The following CFAP251 variants were observed in gnomAD, a reference collection of about 807,000 sequenced individuals.
CFAP251 encodes the protein cilia- and flagella-associated protein 251.
CFAP251 carries 93 observed loss-of-function variants against 126.7 expected under a neutral mutation model. That is an observed-to-expected ratio of 0.73 (90% CI 0.62 to 0.87). The LOEUF is 0.87. CFAP251 is among the 40% of genes least tolerant of loss of function. CFAP251 has a pLI of 0.00. For missense variants in CFAP251, 1,287 were observed against 1,389.2 expected (o/e 0.93, Z 1.17); for synonymous variants, 503 against 506.9 (o/e 0.99, Z 0.10).
intron 20 of CFAP251, 52 bp from the exon 21 acceptor site, chr12:122,001,442 CAGT>C (rs978393436): frequency 5.6e-5 from 77 of 1,363,826 alleles, no homozygotes; most frequent in Non-Finnish European, 7.4e-5. Context: ...TAAGCCCTGA[CAGT>C]ATGCTTAGCC....
At position 121,968,165 on chromosome 12, in the gene CFAP251, T is replaced by G; in HGVS notation, c.2767T>G (p.Leu923Val). Residue 923 changes from leucine (L) to valine (V), a missense_variant, in exon 17 of 22, where the codon TTA becomes GTA. Transcript: ENST00000288912. ...DRSVVQWKITLSVLEAAVSLG... is the reference protein window; with the variant it reads ...DRSVVQWKITVSVLEAAVSLG... ...CTCGGTGGTGCAGTGGAAAATCACC[T>G]TAAGGTACACGATGGGGCGAGAAGG... is the stretch of plus-strand genomic sequence containing the variant. 1 of 1,601,796 alleles carries G rather than the reference T, an allele frequency of 6.2e-7. No individual in the cohort carries two copies. Among genetic ancestry groups the G allele is most frequent in the South Asian group, 1.1e-5 (1 of 90,690 alleles).
rs148397922 is a variant in CFAP251 at position 121,979,736 on chromosome 12, T to A, written c.3006+4051T>A. On this transcript the variant is annotated intron_variant, in intron 19 of 21. Coordinates refer to ENST00000288912, the MANE Select transcript of CFAP251 (RefSeq NM_144668.6). ...TGCACCACCATGCCTGGCTAATTTT[T>A]GTATTTTTTAGTAGAGACAGGATTT... Among the ~76,000 whole-genome samples the A allele has an allele frequency of 1.3e-3, 204 of 152,122 alleles. 5 individuals are homozygous for A. The East Asian group carries it at 0.03, about 22-fold the overall frequency.
intron 19 of CFAP251, among the ~76,000 whole-genome samples, chr12:121,996,034 G>A (rs1883014705): frequency 6.6e-6 from 1 of 152,216 alleles, no homozygotes; most frequent in South Asian, 2.1e-4. Flanking sequence ...GCCAGACCAA[G>A]ATGTGAGGGT....
At chr12:121,969,493 T>C (rs1882262649) in intron 17 of CFAP251, 1 of 985,060 alleles carries the variant, frequency 1.0e-6, no homozygotes. Flanking sequence ...CTTCTATTTG[T>C]TGTTGTTGTT....
At chr12:121,931,673 G>T in intron 3 of CFAP251, 73 bp from the exon 4 acceptor site, 1 of 1,363,882 alleles carries the variant, frequency 7.3e-7, no homozygotes. Flanking sequence ...CTTCCCCTCC[G>T]GCGAGTTCCT....
intron 4 of CFAP251, 44 bp from the exon 5 acceptor site, chr12:121,934,203 C>A: frequency 6.6e-7 from 1 of 1,520,610 alleles, no homozygotes; most frequent in Non-Finnish European, 9.0e-7. Flanking sequence ...CAAGGCTGGG[C>A]CGCATCTTGG....
At chr12:121,942,472 G>T in intron 5 of CFAP251, 62 bp from the exon 6 acceptor site, 2 of 1,227,866 alleles carry the variant, frequency 1.6e-6, no homozygotes, top group East Asian at 2.4e-5. Context: ...GACCTGCCCT[G>T]GGACTCTCTG....
chr12:121,980,025 C>T (rs180682382), intron 19 of CFAP251, among the ~76,000 whole-genome samples: 2 of 152,360 alleles, frequency 1.3e-5, no homozygotes, highest in East Asian at 3.9e-4. Flanking sequence ...GCCTCGCTTT[C>T]TGCTGTGTTG....
rs78630645 is a variant in CFAP251, at chr12:121,958,899, A to G, written c.1982-44A>G. Reference sequence around the variant, plus strand: ...CTGGCACAGACTCAACATCTCTTGAATGAATGTAATCCTTTTCCATCGTTC... The same window carrying G: ...CTGGCACAGACTCAACATCTCTTGAGTGAATGTAATCCTTTTCCATCGTTC... On this transcript the variant is annotated intron_variant, in intron 12 of 21. Transcript: ENST00000288912. 3.3e-4 allele frequency: 516 copies of G among 1,541,384 alleles called. 2 individuals carry two copies. The African/African-American group carries it at 6.2e-3, about 19-fold the overall frequency.
At chr12:121,986,867 A>G (rs1882761960) in intron 19 of CFAP251, among the ~76,000 whole-genome samples, 2 of 152,150 alleles carry the variant, frequency 1.3e-5, no homozygotes, top group Admixed American at 6.5e-5. Context: ...TGTGGCTATA[A>G]ATTTGGGGAG....
intron 19 of CFAP251, among the ~76,000 whole-genome samples, chr12:121,990,679 C>T (rs1203437370): frequency 1.3e-5 from 2 of 152,162 alleles, no homozygotes; most frequent in African/African-American, 4.8e-5. Context: ...TCTAGAGCCA[C>T]GGTAGCCAAC....
intron 17 of CFAP251, among the ~76,000 whole-genome samples, chr12:121,971,078 C>T (rs1487723220): frequency 1.3e-5 from 2 of 152,246 alleles, no homozygotes; most frequent in East Asian, 3.9e-4. Context: ...CCCTCAGGGG[C>T]TCCTGCTGGG....
intron 19 of CFAP251, chr12:121,992,248 T>G (rs1882893140): frequency 2.0e-6 from 2 of 985,340 alleles, no homozygotes; most frequent in African/African-American, 3.5e-5. Context: ...AAGCATGAAC[T>G]TTGTTCAGAC....
intron 3 of CFAP251, among the ~76,000 whole-genome samples, chr12:121,925,329 A>T (rs2135745487): frequency 6.6e-6 from 1 of 152,202 alleles, no homozygotes; most frequent in South Asian, 2.1e-4. Flanking sequence ...TCCATCTGCT[A>T]CTTTCTGAAA....
chr12:122,001,994 A>T, intron 21 of CFAP251: 1 of 226,176 alleles, frequency 4.4e-6, no homozygotes, highest in Admixed American at 4.7e-5. Context: ...AGGCCAAGGC[A>T]GGAGAATCGC....
chr12:121,985,773 T>C (rs369785991), intron 19 of CFAP251, among the ~76,000 whole-genome samples: 1 of 151,976 alleles, frequency 6.6e-6, no homozygotes, highest in African/African-American at 2.4e-5. Flanking sequence ...GAAGGGACAA[T>C]TGTTGTCACA....
At chr12:121,921,136 A>T in intron 1 of CFAP251, 150 bp from the exon 2 acceptor site, 1 of 884,958 alleles carries the variant, frequency 1.1e-6, no homozygotes, top group Non-Finnish European at 1.6e-6. Flanking sequence ...GGCATGAGCC[A>T]CCGTGCCTGG....
chr12:121,966,587 CTT>C (rs555396249), intron 15 of CFAP251, among the ~76,000 whole-genome samples: 29 of 123,436 alleles, frequency 2.3e-4, no homozygotes, highest in Non-Finnish European at 2.4e-4. Flanking sequence ...ACCAAAGAGT[CTT>C]TTTTTTTTTT....
At chr12:121,982,850 C>CTG (rs1373059666) in intron 19 of CFAP251, among the ~76,000 whole-genome samples, 1 of 152,072 alleles carries the variant, frequency 6.6e-6, no homozygotes, top group Non-Finnish European at 1.5e-5. Flanking sequence ...GCCTGGAGTC[C>CTG]CGGCTGCTTG....
Sources: allele counts gnomAD v4.1 joint callset (sites outside exome capture counted in the v4.1 genomes callset), GRCh38; gene constraint gnomAD v4.1.1; transcripts MANE v1.5; gene names NCBI Gene and HGNC (gene_info 2026-07-23, HGNC 2026-07-21).